The following KIAA0513 variants were observed in gnomAD, a reference collection of about 807,000 sequenced individuals.
KIAA0513 encodes uncharacterized protein KIAA0513.
KIAA0513 carries 39 observed loss-of-function variants against 56.5 expected under a neutral mutation model. The ratio of observed to expected loss-of-function variants is 0.69; its 90% CI spans 0.53 to 0.90. The LOEUF is 0.90. KIAA0513 is among the 40% of genes least tolerant of loss of function. KIAA0513 has a pLI of 0.00. For missense variants in KIAA0513, 591 were observed against 535.2 expected (o/e 1.10, Z -1.03); for synonymous variants, 268 against 215.6 (o/e 1.24, Z -2.13).
At position 85,036,396 on chromosome 16, in the gene KIAA0513, T is replaced by G. The variant is rs924699596; in HGVS notation, c.-173+8538T>G. 2.0e-5 allele frequency among the ~76,000 whole-genome samples: 3 copies of G among 152,348 alleles called. No homozygotes were observed. The East Asian group carries it at 5.8e-4, about 29-fold the overall frequency. The stretch of plus-strand genomic sequence containing the variant: ...CAGTTTCTGACTCTGTGGATTCGCC[T>G]GCTCTGGACATTTCGTAAACCTGGA... On this transcript the variant is annotated intron_variant, in intron 1 of 12. Transcript: ENST00000683363.
At chr16:85,035,707 G>A (rs557505321) in intron 1 of KIAA0513, among the ~76,000 whole-genome samples, 42 of 152,064 alleles carry the variant, frequency 2.8e-4, no homozygotes, top group Admixed American at 1.6e-3. Flanking sequence ...GGCTGGGCGC[G>A]GTGGCTCACG....
intron 1 of KIAA0513, among the ~76,000 whole-genome samples, chr16:85,034,816 G>T (rs2073012715): frequency 6.6e-6 from 1 of 152,164 alleles, no homozygotes; most frequent in East Asian, 1.9e-4. Context: ...GCATAGAGAG[G>T]CAGAGTAACA....
intron 1 of KIAA0513, among the ~76,000 whole-genome samples, chr16:85,040,422 C>G (rs1370447320): frequency 6.6e-6 from 1 of 151,988 alleles, no homozygotes; most frequent in Non-Finnish European, 1.5e-5. Context: ...CCCAACTACT[C>G]GGGAGGCTGA....
chr16:85,045,810 C>T (rs1027291699), intron 1 of KIAA0513, among the ~76,000 whole-genome samples: 7 of 152,194 alleles, frequency 4.6e-5, no homozygotes, highest in Non-Finnish European at 5.9e-5. Context: ...GGACGAGTGC[C>T]ACCTGCATCA....
Position 85,075,875 on chromosome 16 carries a change from A to C in KIAA0513, c.535A>C (p.Lys179Gln). 1 of 1,614,222 alleles carries C rather than the reference A, an allele frequency of 6.2e-7. No individual in the cohort carries two copies. The highest frequency in any genetic ancestry group is 8.5e-7 in the Non-Finnish European group (1 of 1,180,032). ...TCAGATGGATGACTTTGGGCCTGCC[A>C]AGAACCTCATGACCATGTGCTTCAC... is the stretch of plus-strand genomic sequence containing the variant. ...CHQMDDFGPA[K>Q]NLMTMCFTYY... is the part of the protein sequence containing the mutation. The change falls in exon 5 of 13, where the codon AAG (lysine) becomes CAG (glutamine). Residue 179 changes from lysine to glutamine, a missense_variant. Physicochemically the swap from Lys to Gln is moderately conservative, Grantham distance 53 (BLOSUM62 1). Transcript: ENST00000683363.
intron 1 of KIAA0513, among the ~76,000 whole-genome samples, chr16:85,031,823 T>G (rs1241803568): frequency 6.6e-6 from 1 of 152,248 alleles, no homozygotes; most frequent in Non-Finnish European, 1.5e-5. Flanking sequence ...CCACTCACTC[T>G]ATCATATTAC....
intron 5 of KIAA0513, among the ~76,000 whole-genome samples, chr16:85,077,173 T>C (rs937041013): frequency 6.6e-6 from 1 of 152,172 alleles, no homozygotes. Context: ...TGCTTGCATC[T>C]ACTTTGCTCC....
rs2073601452 is a variant in KIAA0513 at position 85,072,999 on chromosome 16, G to A, written c.503+1G>A. On this transcript the variant is annotated splice_donor_variant, in intron 4 of 12. Coordinates refer to ENST00000683363, the MANE Select transcript of KIAA0513 (RefSeq NM_001388359.1). LOFTEE classifies it high-confidence loss of function. ...AGTCTTTTGCAGTGGTGCTGTTCGA[G>A]TAAGTAATGCCGTGGCACAAAGCCT... 1.2e-6 allele frequency: 2 copies of A among 1,613,140 alleles called. No homozygotes were observed. Among genetic ancestry groups the A allele is most frequent in the Non-Finnish European group, 1.7e-6 (2 of 1,179,332 alleles).
At position 85,077,531 on chromosome 16, in the gene KIAA0513, C is replaced by T. The variant is rs199804655; in HGVS notation, c.681C>T (p.Ala227=). The change falls in exon 6 of 13, where the codon GCC becomes GCT. Residue 227 remains alanine, a synonymous_variant. Coordinates refer to ENST00000683363, the MANE Select transcript of KIAA0513 (RefSeq NM_001388359.1). ...NSWLAEKKDI[A]ERLLKNTSAR... is the part of the protein sequence containing the mutation. ...GGCTGGCCGAAAAGAAGGACATCGC[C>T]GAGCGGCTGCTGAAGAACACCTCGG... 129 of 1,614,178 alleles carry T rather than the reference C, an allele frequency of 8.0e-5. 1 individual carries two copies. The Middle Eastern group carries it at 1.2e-3, about 14-fold the overall frequency.
chr16:85,042,168 A>C (rs1392525), intron 1 of KIAA0513, among the ~76,000 whole-genome samples: 30,218 of 152,194 alleles, frequency 0.2, 3,173 homozygotes, highest in Middle Eastern at 0.24. Context: ...GCAGCGAGTA[A>C]CTTTTGCGAA....
chr16:85,065,590 T>A (rs2073468817), intron 1 of KIAA0513, among the ~76,000 whole-genome samples: 1 of 152,208 alleles, frequency 6.6e-6, no homozygotes, highest in South Asian at 2.1e-4. Flanking sequence ...TGGGTGAGCA[T>A]TAAGCTCTTA....
chr16:85,087,742 G>T (rs562916099), intron 12 of KIAA0513, among the ~76,000 whole-genome samples: 4 of 152,358 alleles, frequency 2.6e-5, no homozygotes, highest in East Asian at 3.9e-4. Context: ...ACACTTAGGC[G>T]TGGGTACGGA....
At chr16:85,074,051 T>C (rs2073619256) in intron 4 of KIAA0513, among the ~76,000 whole-genome samples, 1 of 152,056 alleles carries the variant, frequency 6.6e-6, no homozygotes, top group Admixed American at 6.6e-5. Flanking sequence ...CTCAGCTCAC[T>C]GCAACCTCCG....
chr16:85,083,966 G>T (rs1297055902), intron 10 of KIAA0513, among the ~76,000 whole-genome samples: 1 of 152,074 alleles, frequency 6.6e-6, no homozygotes, highest in East Asian at 1.9e-4. Flanking sequence ...TGTTGGTCCC[G>T]TCCAGATTCC....
In KIAA0513 at chr16:85,082,567, G is replaced by A. The variant is rs2073758575; in HGVS notation, c.984G>A (p.Gly328=). 1 of 1,613,942 alleles carries A rather than the reference G, an allele frequency of 6.2e-7. No homozygotes were observed. Among genetic ancestry groups the A allele is most frequent in the African/African-American group, 1.3e-5 (1 of 74,932 alleles). Residue 328 remains glycine, a synonymous_variant, in exon 10 of 13, where the codon GGG becomes GGA. Coordinates refer to ENST00000683363, the MANE Select transcript of KIAA0513 (RefSeq NM_001388359.1). ...ERTKRSPTTR[G]DAGEEEEKRE... is the part of the protein sequence containing the mutation. ...CCTGTTTCTGCTGCCGCTCCAGAGG[G>A]GATGCTGGAGAGGAGGAGGAGAAGA...
intron 1 of KIAA0513, among the ~76,000 whole-genome samples, chr16:85,045,694 G>T (rs2073161646): frequency 1.3e-5 from 2 of 152,172 alleles, no homozygotes; most frequent in African/African-American, 2.4e-5. Context: ...GGAATTCCTG[G>T]AACCGGGATC....
At chr16:85,064,826 A>G (rs1567534778) in intron 1 of KIAA0513, among the ~76,000 whole-genome samples, 1 of 152,090 alleles carries the variant, frequency 6.6e-6, no homozygotes, top group African/African-American at 2.4e-5. Flanking sequence ...GCTGGATTAC[A>G]GGCAAGCCCC....
At chr16:85,086,757 A>AG (rs779061058) in intron 11 of KIAA0513, 33 bp downstream of exon 11, 5 of 1,537,948 alleles carry the variant, frequency 3.3e-6, no homozygotes, top group Non-Finnish European at 3.6e-6. Flanking sequence ...GGGAGGGGAG[A>AG]GGGGGGAGGG....
chr16:85,060,215 C>A (rs1483967361), intron 1 of KIAA0513, among the ~76,000 whole-genome samples: 1 of 152,244 alleles, frequency 6.6e-6, no homozygotes, highest in Non-Finnish European at 1.5e-5. Flanking sequence ...CCTGCCTCAG[C>A]CTCCCAAAGT....
Sources: gnomAD v4.1 joint callset for allele counts (sites outside exome capture counted in the v4.1 genomes callset) on GRCh38, gnomAD v4.1.1 for gene constraint, MANE v1.5 for transcripts, NCBI Gene and HGNC (gene_info 2026-07-23, HGNC 2026-07-21) for gene names.